The following NPC1 variants were observed in gnomAD, a reference collection of about 807,000 sequenced individuals.
NPC1 encodes NPC intracellular cholesterol transporter 1.
Under a neutral mutation model 140.4 loss-of-function variants are expected in NPC1, and 85 were observed. The ratio of observed to expected loss-of-function variants is 0.61; its 90% CI spans 0.51 to 0.72. The LOEUF (loss-of-function observed/expected upper bound fraction) is 0.72, where lower values mean the gene tolerates loss of function less well. NPC1 is among the 30% of genes least tolerant of loss of function. NPC1 has a pLI of 0.00. For synonymous variants in NPC1, 656 were observed against 624.8 expected (o/e 1.05, Z -0.74); for missense variants, 1,504 against 1,623.8 (o/e 0.93, Z 1.27).
downstream of NPC1, chr18:23,529,428 G>A (rs939961931): frequency 1.4e-4 from 205 of 1,416,868 alleles, 4 homozygotes; most frequent in African/African-American, 2.2e-3. Context: ...CTTGGGTGAG[G>A]CCCTAGAGCT....
rs1273070261 is a variant in NPC1, at chr18:23,573,542, C to T, written c.90G>A (p.Glu30=). 5 of 1,614,162 alleles carry T rather than the reference C, an allele frequency of 3.1e-6. No homozygotes were observed. The highest frequency in any genetic ancestry group is 4.2e-6 in the Non-Finnish European group (5 of 1,180,020). The stretch of plus-strand genomic sequence containing the variant: ...TCTTGTCCCCATATGCAATTCCACA[C>T]TCTCCATACCAAACACAGGACTGTG... The part of the protein sequence containing the change: ...VFSQSCVWYG[E]CGIAYGDKRY... The change falls in exon 2 of 25, where the codon GAG becomes GAA. Residue 30 remains glutamate (E), a synonymous_variant. Transcript: ENST00000269228.
At chr18:23,530,646 T>C (rs749135165), downstream of NPC1, 3 of 1,597,100 alleles carry the variant, frequency 1.9e-6, no homozygotes, top group East Asian at 2.2e-5. Context: ...GGGGTAACCA[T>C]AGCCTCAAAG....
chr18:23,564,015 GTC>G (rs2059085120), intron 4 of NPC1, among the ~76,000 whole-genome samples: 1 of 106,788 alleles, frequency 9.4e-6, no homozygotes, highest in Non-Finnish European at 1.8e-5. Context: ...TGGAGATGGA[GTC>G]TCTGTCCCTC....
downstream of NPC1, chr18:23,530,681 G>C (rs1598921430): frequency 3.4e-6 from 5 of 1,461,444 alleles, no homozygotes; most frequent in East Asian, 1.2e-4. Context: ...CTGGCAGCTG[G>C]TGGGCGAGGA....
At chr18:23,527,563 G>A (rs1040796403), downstream of NPC1, among the ~76,000 whole-genome samples, 2 of 143,832 alleles carry the variant, frequency 1.4e-5, no homozygotes, top group African/African-American at 5.1e-5. Flanking sequence ...TTATAGGCAT[G>A]TGCCACTGAG....
At chr18:23,526,644 C>G (rs776096725), downstream of NPC1, 18 of 1,614,024 alleles carry the variant, frequency 1.1e-5, no homozygotes, top group East Asian at 2.2e-5. Flanking sequence ...CAGGTTACCT[C>G]TGGAACCTCC....
chr18:23,530,748 G>A, downstream of NPC1: 1 of 758,814 alleles, frequency 1.3e-6, no homozygotes, highest in Non-Finnish European at 2.1e-6. Context: ...CCTAGCCCTT[G>A]GCCCATTATT....
chr18:23,536,731 T>A lies in NPC1; in HGVS notation c.3187A>T (p.Ser1063Cys). The A allele has an allele frequency of 6.2e-7, 1 of 1,614,210 alleles. No homozygotes were observed. Residue 1063 changes from serine to cysteine, a missense_variant, in exon 21 of 25, where the codon AGT (serine) becomes TGT (cysteine). Coordinates refer to ENST00000269228, the MANE Select transcript of NPC1 (RefSeq NM_000271.5). ...DALKKARLIASNVTETMGING... is the reference protein window; with the variant it reads ...DALKKARLIACNVTETMGING... ...ATGCCCATGGTTTCGGTGACATTAC[T>A]GGCTATAAGTCGGGCTTTCTTCAGA...
At chr18:23,545,887 C>T (rs2058782536) in intron 11 of NPC1, among the ~76,000 whole-genome samples, 2 of 152,190 alleles carry the variant, frequency 1.3e-5, no homozygotes, top group South Asian at 4.1e-4. Context: ...CATGCCCAGC[C>T]ACTGCATTAG....
intron 1 of NPC1, among the ~76,000 whole-genome samples, chr18:23,575,940 C>G (rs1789421252): frequency 6.6e-6 from 1 of 151,700 alleles, no homozygotes; most frequent in Admixed American, 6.6e-5. Flanking sequence ...ACAACAACAA[C>G]AGGCCGGGCA....
At chr18:23,557,095 A>C (rs1432817112) in intron 7 of NPC1, 22 bp downstream of exon 7, 1 of 1,588,664 alleles carries the variant, frequency 6.3e-7, no homozygotes, top group Admixed American at 1.7e-5. Flanking sequence ...GAACCCTTTT[A>C]TTCATGGACA....
At chr18:23,520,078 C>T, downstream of NPC1, 1 of 695,546 alleles carries the variant, frequency 1.4e-6, no homozygotes, top group Non-Finnish European at 2.6e-6. Context: ...TAAGAGCTAG[C>T]CTGTAGGGAG....
chr18:23,522,825 G>GT (rs1232683800), exon 2 of NPC1: 3 of 152,360 alleles, frequency 2.0e-5, no homozygotes, highest in Non-Finnish European at 2.9e-5. Flanking sequence ...CTGCTGGGCT[G>GT]TGAGCCCTGG....
Position 23,548,079 on chromosome 18 carries a change from C to A in NPC1, c.1684G>T (p.Val562Leu), listed in dbSNP as rs1476758898. The A allele has an allele frequency of 1.2e-6, 2 of 1,611,552 alleles. No homozygotes were observed. The highest frequency in any genetic ancestry group is 3.3e-5 in the Admixed American group (2 of 60,014). ...DQNYNNATAL[V>L]ITFPVNNYYN... ...TAATTATTGACAGGGAAGGTAATCACAAGGGCAGTGGCGTTATTGTAGTTT... is the reference window on the plus strand; with the variant it reads ...TAATTATTGACAGGGAAGGTAATCAAAAGGGCAGTGGCGTTATTGTAGTTT... The change falls in exon 11 of 25, where the codon GTG (valine) becomes TTG (leucine). Residue 562 changes from valine (V) to leucine (L), a missense_variant. By Grantham distance (32) the Val-to-Leu change is conservative. Coordinates refer to ENST00000269228, the MANE Select transcript of NPC1 (RefSeq NM_000271.5).
Position 23,573,539 on chromosome 18 carries a change from A to G in NPC1, c.93T>C (p.Cys31=), listed in dbSNP as rs1313322323. 6.2e-7 allele frequency: 1 copy of G among 1,614,038 alleles called. No homozygotes were observed. The highest frequency in any genetic ancestry group is 8.5e-7 in the Non-Finnish European group (1 of 1,180,030). ...ACCTCTTGTCCCCATATGCAATTCC[A>G]CACTCTCCATACCAAACACAGGACT... ...FSQSCVWYGE[C]GIAYGDKRYN... Residue 31 remains cysteine, a synonymous_variant, in exon 2 of 25, where the codon TGT becomes TGC. Coordinates refer to ENST00000269228, the MANE Select transcript of NPC1 (RefSeq NM_000271.5).
rs780186745 is a variant in NPC1, at chr18:23,583,614, C to T, written c.57+2673G>A. On this transcript the variant is annotated intron_variant, in intron 1 of 24. Transcript: ENST00000269228. ...ATCAGAGATGACTGATCCAGGCTTC[C>T]GCTGTAGGTAATCTGCCATGCTTAG... is the stretch of plus-strand genomic sequence containing the variant. 4.0e-5 allele frequency among the ~76,000 whole-genome samples: 6 copies of T among 151,750 alleles called. No homozygotes were observed. In the South Asian group the frequency reaches 6.3e-4, roughly 16 times the overall value.
At chr18:23,538,805 C>G in intron 19 of NPC1, 134 bp from the exon 20 acceptor site, 1 of 920,700 alleles carries the variant, frequency 1.1e-6, no homozygotes, top group South Asian at 1.4e-5. Flanking sequence ...GAGGGATAAT[C>G]TTTCCCCTTA....
intron 3 of NPC1, among the ~76,000 whole-genome samples, chr18:23,569,882 T>C (rs975521464): frequency 2.0e-5 from 3 of 152,230 alleles, no homozygotes; most frequent in Admixed American, 2.0e-4. Context: ...TGTTGACTTG[T>C]TACATGATAA....
At chr18:23,540,415 G>C (rs1486877912) in intron 17 of NPC1, 33 bp downstream of exon 17, 1 of 1,183,208 alleles carries the variant, frequency 8.5e-7, no homozygotes, top group Admixed American at 1.9e-5. Flanking sequence ...AGCTAAAGAA[G>C]TTAAAAAAAA....
Sources: gnomAD v4.1 joint callset for allele counts (sites outside exome capture counted in the v4.1 genomes callset) on GRCh38, gnomAD v4.1.1 for gene constraint, MANE v1.5 for transcripts, NCBI Gene and HGNC (gene_info 2026-07-23, HGNC 2026-07-21) for gene names.